CADM4: variants seen among roughly 807,000 people sequenced by gnomAD.
CADM4 encodes TSLC1-like 2.
CADM4 carries 13 observed loss-of-function variants against 43.9 expected under a neutral mutation model. The ratio of observed to expected loss-of-function variants is 0.30; its 90% CI spans 0.19 to 0.47. The LOEUF is 0.47. Ranked by LOEUF, CADM4 falls within the 20% of genes least tolerant of loss-of-function variation. The probability of loss-of-function intolerance (pLI) is 1.00; values close to 1 mark genes in which losing one functional copy is unlikely to be tolerated. For synonymous variants in CADM4, 209 were observed against 220.9 expected (o/e 0.95, Z 0.48); for missense variants, 420 against 527.0 (o/e 0.80, Z 1.99).
chr19:43,623,195 G>A lies in CADM4; in HGVS notation c.*135C>T. On this transcript the variant is annotated 3_prime_UTR_variant, in exon 9 of 9. Coordinates refer to ENST00000222374, the MANE Select transcript of CADM4 (RefSeq NM_145296.2). This position sits in a 1 kb window ranked among gnomAD's most constrained non-coding sequence, Gnocchi z 4.4. ...ATCCAACACCCCCATCCCTGCCCAAGCGTCTGAGGTGTTAGTGGTGGGGGG... is the reference window on the plus strand; with the variant it reads ...ATCCAACACCCCCATCCCTGCCCAAACGTCTGAGGTGTTAGTGGTGGGGGG... 1 of 688,762 alleles carries A rather than the reference G, an allele frequency of 1.5e-6. No individual in the cohort carries two copies. Among genetic ancestry groups the A allele is most frequent in the Non-Finnish European group, 2.6e-6 (1 of 383,962 alleles). 42.7% of individuals were successfully genotyped at this position (688,762 alleles called of 1,614,324 possible).
chr19:43,625,966 C>T lies in CADM4; in HGVS notation c.700G>A (p.Val234Met). 3.7e-6 allele frequency: 6 copies of T among 1,614,204 alleles called. No homozygotes were observed. Among genetic ancestry groups the T allele is most frequent in the Non-Finnish European group, 5.1e-6 (6 of 1,180,042 alleles). The change falls in exon 6 of 9, where the codon GTG becomes ATG. Residue 234 changes from valine to methionine, a missense_variant. Transcript: ENST00000222374. The surrounding 1 kb of genome is among the most constrained non-coding windows in gnomAD (Gnocchi z 4.5). ...PTARIHASQA[V>M]VREGDTLVLT... ...ACCAGCGTGTCTCCCTCCCTCACCA[C>T]AGCTTGGGAGGCATGAATCCGGGCC...
intron 1 of CADM4, among the ~76,000 whole-genome samples, chr19:43,628,365 T>C (rs1376326258): frequency 6.7e-6 from 1 of 149,944 alleles, no homozygotes; most frequent in African/African-American, 2.5e-5. Flanking sequence ...AACCCGGGAG[T>C]TGGAAGTTGC....
Position 43,628,270 on chromosome 19 carries a change from A to G in CADM4, c.65-480T>C, listed in dbSNP as rs189036505. ...GAAACCCTGTCACTACTAAAAATAC[A>G]AAAAAAAAAAAAAAATTAGCTGGGT... On this transcript the variant is annotated intron_variant, in intron 1 of 8. Transcript: ENST00000222374. Among the ~76,000 whole-genome samples, 331 of 64,158 alleles carry G rather than the reference A, an allele frequency of 5.2e-3. 2 individuals carry two copies. The highest frequency in any genetic ancestry group is 0.019 in the African/African-American group (309 of 16,242). 42.1% of individuals were successfully genotyped at this position (64,158 alleles called of 152,430 possible).
In CADM4 at chr19:43,625,355, C is replaced by A; in HGVS notation, c.756-105G>T. ...GCAACTCTCATCCCGCAGGGACCTC[C>A]AAATAAGAGGCTTCCTGCTATCTCT... On this transcript the variant is annotated intron_variant, in intron 6 of 8. Coordinates refer to ENST00000222374, the MANE Select transcript of CADM4 (RefSeq NM_145296.2). This position sits in a 1 kb window ranked among gnomAD's most constrained non-coding sequence, Gnocchi z 4.5. 8.8e-7 allele frequency: 1 copy of A among 1,137,538 alleles called. No individual in the cohort carries two copies. Among genetic ancestry groups the A allele is most frequent in the Non-Finnish European group, 1.2e-6 (1 of 815,932 alleles). 70.5% of individuals were successfully genotyped at this position (1,137,538 alleles called of 1,614,324 possible).
At chr19:43,633,226 A>C (rs1176026734) in intron 1 of CADM4, among the ~76,000 whole-genome samples, 1 of 151,866 alleles carries the variant, frequency 6.6e-6, no homozygotes, top group Non-Finnish European at 1.5e-5. Context: ...GGCTCCTCCC[A>C]CCACACCTGG....
intron 1 of CADM4, among the ~76,000 whole-genome samples, chr19:43,630,105 G>C (rs946530556): frequency 6.6e-6 from 1 of 150,652 alleles, no homozygotes; most frequent in Non-Finnish European, 1.5e-5. Flanking sequence ...GAGTTTCACC[G>C]TGTTGCCCAG....
In CADM4 at chr19:43,625,574, T is replaced by TAAA. The variant is rs1037613041; in HGVS notation, c.756-327_756-325dup. On this transcript the variant is annotated intron_variant, in intron 6 of 8. Transcript: ENST00000222374. The surrounding 1 kb of genome is among the most constrained non-coding windows in gnomAD (Gnocchi z 4.5). ...CACAGGGAGACCCCGTCACTACAAT[T>TAAA]AAAAAATAATAATAATAATAATAAT... is the stretch of plus-strand genomic sequence containing the variant. Among the ~76,000 whole-genome samples, 79 of 134,828 alleles carry TAAA rather than the reference T, an allele frequency of 5.9e-4. No individual in the cohort carries two copies. Among genetic ancestry groups the TAAA allele is most frequent in the African/African-American group, 1.5e-3 (54 of 36,332 alleles). The allele number at this position is 134,828 out of a possible 152,430, so 88.5% of individuals were successfully genotyped here. A position where few individuals can be genotyped will look rare whatever the true frequency, so the allele number is the denominator to read the frequency against.
chr19:43,641,685 A>G (rs912299511), upstream of CADM4, among the ~76,000 whole-genome samples: 1 of 152,192 alleles, frequency 6.6e-6, no homozygotes, highest in East Asian at 1.9e-4. Context: ...CCCCAGATCC[A>G]TAGCCCTGAG....
Position 43,625,581 on chromosome 19 carries a change from T to A in CADM4, c.755+330A>T, listed in dbSNP as rs111245143. Among the ~76,000 whole-genome samples, 106 of 150,976 alleles carry A rather than the reference T, an allele frequency of 7.0e-4. No individual in the cohort carries two copies. Among genetic ancestry groups the A allele is most frequent in the African/African-American group, 1.8e-3 (75 of 41,000 alleles). On this transcript the variant is annotated intron_variant, in intron 6 of 8. Coordinates refer to ENST00000222374, the MANE Select transcript of CADM4 (RefSeq NM_145296.2). This position sits in a 1 kb window ranked among gnomAD's most constrained non-coding sequence, Gnocchi z 4.5. ...AGACCCCGTCACTACAATTAAAAAA[T>A]AATAATAATAATAATAATAATTCTA...
intron 1 of CADM4, among the ~76,000 whole-genome samples, chr19:43,638,249 A>G (rs1973728072): frequency 6.6e-6 from 1 of 152,244 alleles, no homozygotes. Flanking sequence ...AACTTGCCAG[A>G]AACCCCTTCA....
At chr19:43,624,935 G>A in intron 7 of CADM4, 143 bp downstream of exon 7, 2 of 872,146 alleles carry the variant, frequency 2.3e-6, no homozygotes, top group Non-Finnish European at 3.4e-6. Flanking sequence ...CCGAATTTGA[G>A]CCCCGCGGGC....
rs768232966 is a variant in CADM4, at chr19:43,626,320, A to G, written c.500-32T>C. Reference sequence around the variant, plus strand: ...CACCCCGGTCAGACACTGTCAGGCCACAATTCCGGCTCCATCCACCCACCC... The same window carrying G: ...CACCCCGGTCAGACACTGTCAGGCCGCAATTCCGGCTCCATCCACCCACCC... On this transcript the variant is annotated intron_variant, in intron 4 of 8. Transcript: ENST00000222374. The surrounding 1 kb of genome is among the most constrained non-coding windows in gnomAD (Gnocchi z 5.9). The G allele has an allele frequency of 6.2e-7, 1 of 1,602,114 alleles. No individual in the cohort carries two copies. Among genetic ancestry groups the G allele is most frequent in the South Asian group, 1.1e-5 (1 of 90,952 alleles).
chr19:43,622,777 CT>C lies in CADM4; in HGVS notation c.*552del, dbSNP rs1973458147. On this transcript the variant is annotated 3_prime_UTR_variant, in exon 9 of 9. Transcript: ENST00000222374. ...GATTGGAGAAAAGGGTTGGGGCTGT[CT>C]CCCTCACTGCCCCCATCAAAGTTAT... The C allele has an allele frequency of 6.5e-6, 1 of 153,130 alleles. No individual in the cohort carries two copies. Among genetic ancestry groups the C allele is most frequent in the Non-Finnish European group, 1.5e-5 (1 of 68,566 alleles). 9.5% of individuals were successfully genotyped at this position (153,130 alleles called of 1,614,324 possible).
chr19:43,627,276 C>A lies in CADM4; in HGVS notation c.254G>T (p.Arg85Leu). Reference protein sequence around the residue: ...ERFQLEEFSPRRVRIRLSDAR... With the variant: ...ERFQLEEFSPLRVRIRLSDAR... The stretch of plus-strand genomic sequence containing the variant: ...ATCTGAGAGCCGGATCCGCACCCGG[C>A]GTGGGGAGAACTCCTCAAGCTGGAA... Residue 85 changes from arginine to leucine, a missense_variant, in exon 3 of 9, where the codon CGC becomes CTC. Coordinates refer to ENST00000222374, the MANE Select transcript of CADM4 (RefSeq NM_145296.2). The surrounding 1 kb of genome is among the most constrained non-coding windows in gnomAD (Gnocchi z 4.0). 1 of 1,609,924 alleles carries A rather than the reference C, an allele frequency of 6.2e-7. No individual in the cohort carries two copies. The highest frequency in any genetic ancestry group is 1.1e-5 in the South Asian group (1 of 90,526).
In CADM4 at chr19:43,626,229, G is replaced by A. The variant is rs1041418302; in HGVS notation, c.559C>T (p.Arg187Cys). The A allele has an allele frequency of 1.5e-5, 25 of 1,613,306 alleles. No homozygotes were observed. The highest frequency in any genetic ancestry group is 2.2e-5 in the East Asian group (1 of 44,876). The stretch of plus-strand genomic sequence containing the variant: ...CCACCGTCGTCCTTACGGTCCACAC[G>A]AAACCGTACTGTGCTTGCCACGCTC... The part of the protein sequence containing the change: ...VWSVASTVRF[R>C]VDRKDDGGII... Residue 187 changes from arginine to cysteine, a missense_variant, in exon 5 of 9, where the codon CGT becomes TGT. Physicochemically the swap from Arg to Cys is radical, Grantham distance 180. Transcript: ENST00000222374. The surrounding 1 kb of genome is among the most constrained non-coding windows in gnomAD (Gnocchi z 5.9).
chr19:43,625,978 C>T lies in CADM4; in HGVS notation c.688G>A (p.Ala230Thr), dbSNP rs567666364. ...VQYSPTARIH[A>T]SQAVVREGDT... ...CCCTCCCTCACCACAGCTTGGGAGG[C>T]ATGAATCCGGGCCGTGGGGGAGTCT... Residue 230 changes from alanine (A) to threonine (T), a missense_variant, in exon 6 of 9, where the codon GCC becomes ACC. Transcript: ENST00000222374. The surrounding 1 kb of genome is among the most constrained non-coding windows in gnomAD (Gnocchi z 4.5). 4.2e-5 allele frequency: 67 copies of T among 1,614,168 alleles called. No individual in the cohort carries two copies. In the South Asian group the frequency reaches 7.1e-4, roughly 17 times the overall value.
At position 43,626,049 on chromosome 19, in the gene CADM4, A is replaced by G. The variant is rs1452303946; in HGVS notation, c.665-48T>C. The G allele has an allele frequency of 1.2e-6, 2 of 1,612,930 alleles. No individual in the cohort carries two copies. Among genetic ancestry groups the G allele is most frequent in the Non-Finnish European group, 1.7e-6 (2 of 1,179,092 alleles). ...GAGAGTAGTTTCCAAGCCATCACGC[A>G]GGACAAGGGGGACCCTCGCGGGTGC... On this transcript the variant is annotated intron_variant, in intron 5 of 8. Transcript: ENST00000222374. This position sits in a 1 kb window ranked among gnomAD's most constrained non-coding sequence, Gnocchi z 5.9.
intron 7 of CADM4, chr19:43,624,848 A>G: frequency 1.8e-6 from 1 of 566,174 alleles, no homozygotes; most frequent in East Asian, 3.0e-5. Context: ...TATAGGTGCT[A>G]TTGTTTATTT....
At chr19:43,641,474 G>A (rs147893990), upstream of CADM4, among the ~76,000 whole-genome samples, 1,055 of 152,042 alleles carry the variant, frequency 6.9e-3, 9 homozygotes, top group Non-Finnish European at 0.01. Context: ...ATCAACTCCT[G>A]TGTCCTCAGG....
Sources: allele counts gnomAD v4.1 joint callset (sites outside exome capture counted in the v4.1 genomes callset), GRCh38; gene constraint gnomAD v4.1.1; non-coding constraint Gnocchi (gnomAD v3.1); transcripts MANE v1.5; gene names NCBI Gene and HGNC (gene_info 2026-07-23, HGNC 2026-07-21).